ZNF804A: variants seen among roughly 807,000 people sequenced by gnomAD.
ZNF804A encodes zinc finger protein 804A.
Under a neutral mutation model 16.5 loss-of-function variants are expected in ZNF804A, and 2 were observed. That is an observed-to-expected ratio of 0.12 (90% confidence interval 0.05 to 0.38). ZNF804A has a LOEUF of 0.38. Ranked by LOEUF, ZNF804A falls within the 10% of genes least tolerant of loss-of-function variation. The pLI, the probability that ZNF804A is intolerant of heterozygous loss-of-function variation, is 0.99. For missense variants in ZNF804A, 1,473 were observed against 1,390.7 expected (o/e 1.06, Z -0.94); for synonymous variants, 534 against 489.6 (o/e 1.09, Z -1.20).
intron 1 of ZNF804A, among the ~76,000 whole-genome samples, chr2:184,603,411 T>C (rs1691081568): frequency 6.6e-6 from 1 of 152,234 alleles, no homozygotes; most frequent in African/African-American, 2.4e-5. Context: ...ATTTCCCTTG[T>C]GTATATAGGA....
At chr2:184,931,773 C>T (rs550023375) in intron 2 of ZNF804A, among the ~76,000 whole-genome samples, 4 of 152,256 alleles carry the variant, frequency 2.6e-5, no homozygotes, top group East Asian at 1.9e-4. Context: ...TCTTTTCTAT[C>T]GCATCATCAG....
intron 1 of ZNF804A, among the ~76,000 whole-genome samples, chr2:184,856,552 C>A (rs72905774): frequency 0.05 from 7,653 of 151,910 alleles, 253 homozygotes; most frequent in Middle Eastern, 0.078. Context: ...CTGTTAAGTA[C>A]GTATGTGTAA....
At chr2:184,702,097 A>G (rs1408914782) in intron 1 of ZNF804A, among the ~76,000 whole-genome samples, 1 of 152,048 alleles carries the variant, frequency 6.6e-6, no homozygotes, top group African/African-American at 2.4e-5. Flanking sequence ...AATAAAAATA[A>G]AAATAAACTA....
In ZNF804A at chr2:184,933,141, ACG is replaced by A. The variant is rs750784554; in HGVS notation, c.256-460_256-459del. Among the ~76,000 whole-genome samples, 42 of 107,276 alleles carry A rather than the reference ACG, an allele frequency of 3.9e-4. No individual in the cohort carries two copies. In the East Asian group the frequency reaches 4.1e-3, roughly 11 times the overall value. The allele number at this position is 107,276 out of a possible 152,430, so 70.4% of individuals were successfully genotyped here. Reference sequence around the variant, plus strand: ...ATAAACTTTTCACTTACACACACACACGCACACACACACACACACACACAGAC... The same window carrying A: ...ATAAACTTTTCACTTACACACACACACACACACACACACACACACACAGAC... On this transcript the variant is annotated intron_variant, in intron 2 of 3. Transcript: ENST00000302277.
chr2:184,758,293 G>A (rs567177583), intron 1 of ZNF804A, among the ~76,000 whole-genome samples: 305 of 151,908 alleles, frequency 2.0e-3, no homozygotes, highest in Non-Finnish European at 3.3e-3. Flanking sequence ...ATGTTCTGAT[G>A]ATACAAATAA....
At chr2:184,646,409 ATGT>A (rs1418529972) in intron 1 of ZNF804A, among the ~76,000 whole-genome samples, 13 of 152,300 alleles carry the variant, frequency 8.5e-5, no homozygotes, top group African/African-American at 3.1e-4. Flanking sequence ...CTCCCTTGAG[ATGT>A]TGGTGCATCA....
At chr2:184,874,051 G>A (rs767015817) in intron 2 of ZNF804A, among the ~76,000 whole-genome samples, 7 of 152,106 alleles carry the variant, frequency 4.6e-5, no homozygotes, top group Non-Finnish European at 8.8e-5. Flanking sequence ...TTAACTGTAG[G>A]TAGGTGTTTC....
At position 184,770,413 on chromosome 2, in the gene ZNF804A, A is replaced by T. The variant is rs1459228614; in HGVS notation, c.112-95956A>T. On this transcript the variant is annotated intron_variant, in intron 1 of 3. Coordinates refer to ENST00000302277, the MANE Select transcript of ZNF804A (RefSeq NM_194250.2). ...GGCCAGAAAGAATGTCATTAAACTA[A>T]GCTGCTTCAGCATTAGTAGCCATAT... 2.6e-5 allele frequency among the ~76,000 whole-genome samples: 4 copies of T among 152,206 alleles called. No individual in the cohort carries two copies. The East Asian group carries it at 7.8e-4, about 29-fold the overall frequency.
intron 1 of ZNF804A, among the ~76,000 whole-genome samples, chr2:184,771,327 T>TA (rs971309978): frequency 6.2e-4 from 93 of 150,844 alleles, no homozygotes; most frequent in African/African-American, 6.6e-4. Context: ...CTTAGTGGCT[T>TA]AAAAAAAAAC....
At chr2:184,852,241 C>CTCTT (rs1553483867) in intron 1 of ZNF804A, among the ~76,000 whole-genome samples, 1 of 150,298 alleles carries the variant, frequency 6.7e-6, no homozygotes, top group African/African-American at 2.5e-5. Flanking sequence ...CTCTCTCTCT[C>CTCTT]TCTCTCTCTC....
In ZNF804A at chr2:184,782,001, C is replaced by T. The variant is rs145818569; in HGVS notation, c.112-84368C>T. Among the ~76,000 whole-genome samples, 9 of 151,866 alleles carry T rather than the reference C, an allele frequency of 5.9e-5. No individual in the cohort carries two copies. In the East Asian group the frequency reaches 1.6e-3, roughly 26 times the overall value. ...GCCATTTCTTCTTGTATCTTCACAT[C>T]CTCTTCCCTCTGTATGTATCTGTGT... On this transcript the variant is annotated intron_variant, in intron 1 of 3. Transcript: ENST00000302277.
At chr2:184,633,552 C>T (rs1043485387) in intron 1 of ZNF804A, among the ~76,000 whole-genome samples, 2 of 152,088 alleles carry the variant, frequency 1.3e-5, no homozygotes, top group Non-Finnish European at 2.9e-5. Context: ...AGGTAAGTAG[C>T]TCCAAATGTT....
chr2:184,839,218 G>A (rs931367284), intron 1 of ZNF804A, among the ~76,000 whole-genome samples: 7 of 152,008 alleles, frequency 4.6e-5, no homozygotes, highest in African/African-American at 1.7e-4. Context: ...ATGTATGTGT[G>A]TATGTAATTT....
At chr2:184,623,680 T>A (rs1009689286) in intron 1 of ZNF804A, among the ~76,000 whole-genome samples, 9 of 152,260 alleles carry the variant, frequency 5.9e-5, no homozygotes, top group African/African-American at 2.2e-4. Context: ...TTGACCCAGA[T>A]AATGTTACTG....
intron 1 of ZNF804A, among the ~76,000 whole-genome samples, chr2:184,608,641 C>T (rs1023483545): frequency 3.9e-5 from 6 of 152,152 alleles, no homozygotes; most frequent in African/African-American, 7.2e-5. Flanking sequence ...GAATACTATT[C>T]CTCACTTTTA....
chr2:184,847,509 G>C (rs761930680), intron 1 of ZNF804A, among the ~76,000 whole-genome samples: 1 of 152,018 alleles, frequency 6.6e-6, no homozygotes, highest in African/African-American at 2.4e-5. Context: ...TTATCACCCA[G>C]AAACAGTCGC....
chr2:184,742,112 T>A (rs1693717309), intron 1 of ZNF804A, among the ~76,000 whole-genome samples: 1 of 152,048 alleles, frequency 6.6e-6, no homozygotes, highest in African/African-American at 2.4e-5. Context: ...AAGTGTAAGG[T>A]ACCAATTTGC....
intron 1 of ZNF804A, among the ~76,000 whole-genome samples, chr2:184,856,099 A>G (rs1207460101): frequency 1.3e-5 from 2 of 152,094 alleles, no homozygotes; most frequent in African/African-American, 2.4e-5. Context: ...ACAAGCTCCT[A>G]TAGACAACAT....
intron 1 of ZNF804A, among the ~76,000 whole-genome samples, chr2:184,815,459 A>G (rs1164994254): frequency 3.3e-5 from 5 of 151,888 alleles, no homozygotes; most frequent in Non-Finnish European, 7.4e-5. Context: ...TGTTAAAGTT[A>G]AACATAAATG....
Sources: allele counts gnomAD v4.1 joint callset (sites outside exome capture counted in the v4.1 genomes callset), GRCh38; gene constraint gnomAD v4.1.1; transcripts MANE v1.5; gene names NCBI Gene and HGNC (gene_info 2026-07-23, HGNC 2026-07-21).